Variants in RBFOX3 observed in about 807,000 individuals in gnomAD.
RBFOX3 encodes RNA binding protein fox-1 homolog 3.
Under a neutral mutation model 48.7 loss-of-function variants are expected in RBFOX3, and 17 were observed. The observed-to-expected ratio is 0.35, with a 90% CI of 0.24 to 0.52. RBFOX3 has a LOEUF of 0.52. Among genes scored for constraint, RBFOX3 ranks in the 20% least tolerant of loss-of-function variants. The pLI, the probability that RBFOX3 is intolerant of heterozygous loss-of-function variation, is 0.94. For synonymous variants in RBFOX3, 212 were observed against 209.5 expected (o/e 1.01, Z -0.10); for missense variants, 382 against 497.5 (o/e 0.77, Z 2.21).
At chr17:79,238,984 T>G (rs1242226462) in intron 3 of RBFOX3, among the ~76,000 whole-genome samples, 1 of 152,134 alleles carries the variant, frequency 6.6e-6, no homozygotes, top group Non-Finnish European at 1.5e-5. Flanking sequence ...CTCCATCGTT[T>G]CACAGAACCT....
the RBFOX3 span, among the ~76,000 whole-genome samples, chr17:79,657,259 G>C: frequency 6.6e-6 from 1 of 152,180 alleles, no homozygotes; most frequent in Non-Finnish European, 1.5e-5. Context: ...ACCAGCTAAG[G>C]GGGAGATTGC....
chr17:79,369,746 C>T (rs568349845), intron 2 of RBFOX3, among the ~76,000 whole-genome samples: 14 of 152,168 alleles, frequency 9.2e-5, no homozygotes, highest in African/African-American at 3.4e-4. Flanking sequence ...GCTCCTGGTG[C>T]CACCCCAGCT....
At chr17:79,528,147 C>G (rs2087066775) in intron 1 of RBFOX3, among the ~76,000 whole-genome samples, 1 of 152,008 alleles carries the variant, frequency 6.6e-6, no homozygotes, top group South Asian at 2.1e-4. Context: ...AGTTGAACCT[C>G]TGAGGTATCT....
chr17:79,504,903 T>G (rs2082875196), intron 1 of RBFOX3, among the ~76,000 whole-genome samples: 1 of 152,180 alleles, frequency 6.6e-6, no homozygotes, highest in African/African-American at 2.4e-5. Flanking sequence ...AGGGATGAGA[T>G]GGTGAGATGA....
At chr17:79,160,154 G>C (rs563498812) in intron 4 of RBFOX3, among the ~76,000 whole-genome samples, 2 of 152,388 alleles carry the variant, frequency 1.3e-5, no homozygotes, top group African/African-American at 4.8e-5. Flanking sequence ...TGAAGCTGGG[G>C]ATTAGCAGAC....
In RBFOX3 at chr17:79,504,832, G is replaced by A. The variant is rs953715381; in HGVS notation, c.-319-22234C>T. On this transcript the variant is annotated intron_variant, in intron 1 of 14. Transcript: ENST00000693108. ...GATTAGGGCATGACTATCTTTTGGG[G>A]GCCCTTATTCAGCCAACCACAGATA... Among the ~76,000 whole-genome samples, 29 of 152,256 alleles carry A rather than the reference G, an allele frequency of 1.9e-4. 1 individual carries two copies. The South Asian group carries it at 6.0e-3, about 32-fold the overall frequency.
the RBFOX3 span, among the ~76,000 whole-genome samples, chr17:79,634,315 G>A: frequency 2.0e-5 from 3 of 152,152 alleles, no homozygotes; most frequent in Non-Finnish European, 2.9e-5. Flanking sequence ...ACCTCCCCTC[G>A]TCTACCAGTA....
chr17:79,573,914 A>T (rs1415278370), intron 1 of RBFOX3, among the ~76,000 whole-genome samples: 1 of 152,178 alleles, frequency 6.6e-6, no homozygotes, highest in East Asian at 1.9e-4. Context: ...ATTCTCTAGG[A>T]ATAAACTAAA....
intron 4 of RBFOX3, among the ~76,000 whole-genome samples, chr17:79,211,919 C>A (rs925371803): frequency 1.3e-5 from 2 of 152,126 alleles, no homozygotes; most frequent in African/African-American, 2.4e-5. Flanking sequence ...CTGCTGGGCA[C>A]GGGGATACGT....
At chr17:79,570,969 C>A (rs923570472) in intron 1 of RBFOX3, among the ~76,000 whole-genome samples, 2 of 151,938 alleles carry the variant, frequency 1.3e-5, no homozygotes, top group Non-Finnish European at 2.9e-5. Context: ...GGGGGGCCCC[C>A]GGGAGAAAAG....
At chr17:79,261,693 C>T (rs908769749) in intron 3 of RBFOX3, among the ~76,000 whole-genome samples, 23 of 152,182 alleles carry the variant, frequency 1.5e-4, no homozygotes, top group African/African-American at 5.1e-4. Context: ...CGCACACAGG[C>T]GGGTGGGCGG....
At chr17:79,640,194 A>C in the RBFOX3 span, among the ~76,000 whole-genome samples, 4 of 152,352 alleles carry the variant, frequency 2.6e-5, no homozygotes, top group Middle Eastern at 3.4e-3. Flanking sequence ...AAGGAAATTA[A>C]GAAAGTAATC....
chr17:79,470,447 G>A (rs2076922789), intron 2 of RBFOX3, among the ~76,000 whole-genome samples: 2 of 152,022 alleles, frequency 1.3e-5, no homozygotes, highest in Admixed American at 6.6e-5. Flanking sequence ...GTGAAATGTC[G>A]CCACATTATA....
intron 2 of RBFOX3, among the ~76,000 whole-genome samples, chr17:79,462,785 G>A (rs966028176): frequency 7.9e-5 from 12 of 152,130 alleles, no homozygotes; most frequent in African/African-American, 1.2e-4. Context: ...CTACACACAC[G>A]TCTATCTTTC....
intron 4 of RBFOX3, among the ~76,000 whole-genome samples, chr17:79,170,896 T>C (rs764814176): frequency 1.3e-5 from 2 of 152,122 alleles, no homozygotes; most frequent in Non-Finnish European, 2.9e-5. Context: ...GTGAACCCAC[T>C]CAACCCTGTC....
chr17:79,408,073 G>A (rs2063781995), intron 2 of RBFOX3, among the ~76,000 whole-genome samples: 1 of 152,152 alleles, frequency 6.6e-6, no homozygotes, highest in Non-Finnish European at 1.5e-5. Context: ...CCAGCTGTGA[G>A]ACCCCAGGAA....
chr17:79,376,619 G>A (rs1351799853), intron 2 of RBFOX3, among the ~76,000 whole-genome samples: 3 of 152,202 alleles, frequency 2.0e-5, no homozygotes, highest in East Asian at 1.9e-4. Context: ...AGCCCACTGC[G>A]TGTTTGCTCA....
At chr17:79,271,102 T>G (rs1174927127) in intron 3 of RBFOX3, among the ~76,000 whole-genome samples, 1 of 150,344 alleles carries the variant, frequency 6.7e-6, no homozygotes, top group Admixed American at 6.7e-5. Context: ...TGAGACGGAG[T>G]TTTGCTGTTG....
rs1341902910 is a variant in RBFOX3, at chr17:79,535,516, G to A, written c.-319-52918C>T. ...GTTACCCAAGTGAGTCACCCCAAAC[G>A]AATGAGGCCCTCAGATGATCCACAG... On this transcript the variant is annotated intron_variant, in intron 1 of 14. Coordinates refer to ENST00000693108, the MANE Select transcript of RBFOX3 (RefSeq NM_001350451.2). This position sits in a 1 kb window ranked among gnomAD's most constrained non-coding sequence, Gnocchi z 4.5. Among the ~76,000 whole-genome samples the A allele has an allele frequency of 1.3e-5, 2 of 152,116 alleles. No individual in the cohort carries two copies. The highest frequency in any genetic ancestry group is 2.4e-5 in the African/African-American group (1 of 41,430).
Sources: allele counts gnomAD v4.1 joint callset (sites outside exome capture counted in the v4.1 genomes callset), GRCh38; gene constraint gnomAD v4.1.1; non-coding constraint Gnocchi (gnomAD v3.1); transcripts MANE v1.5; gene names NCBI Gene and HGNC (gene_info 2026-07-23, HGNC 2026-07-21).